The following AFF1 variants were observed in gnomAD, a reference collection of about 807,000 sequenced individuals.
AFF1 encodes AF4/FMR2 family member 1.
AFF1 carries 48 observed loss-of-function variants against 121.7 expected under a neutral mutation model. The ratio of observed to expected loss-of-function variants is 0.39; its 90% confidence interval spans 0.31 to 0.50. The LOEUF is 0.50. Among genes scored for constraint, AFF1 ranks in the 20% least tolerant of loss-of-function variants. The probability of loss-of-function intolerance (pLI) is 0.76; values close to 1 mark genes in which losing one functional copy is unlikely to be tolerated. For synonymous variants in AFF1, 613 were observed against 563.0 expected, an observed-to-expected ratio of 1.09 and a Z score of -1.26; for missense variants, 1,523 against 1,511.7, an observed-to-expected ratio of 1.01 and a Z score of -0.12.
At chr4:87,058,728 T>G (rs1391608581) in intron 4 of AFF1, among the ~76,000 whole-genome samples, 1 of 152,192 alleles carries the variant, frequency 6.6e-6, no homozygotes, top group Non-Finnish European at 1.5e-5. Context: ...TCTTCTCTAA[T>G]TACTACTTTC....
Position 87,124,020 on chromosome 4 carries a change from C to T in AFF1, c.2467-1017C>T, listed in dbSNP as rs143786577. Among the ~76,000 whole-genome samples, 215 of 152,304 alleles carry T rather than the reference C, an allele frequency of 1.4e-3. 6 individuals are homozygous for T. The East Asian group carries it at 0.033, about 23-fold the overall frequency. ...CACCTGCTAGACAGTATGTGGGCTTCCTCCTGAACCCAGAGCCATGGGAAG... is the reference window on the plus strand; with the variant it reads ...CACCTGCTAGACAGTATGTGGGCTTTCTCCTGAACCCAGAGCCATGGGAAG... On this transcript the variant is annotated intron_variant, in intron 12 of 20. Coordinates refer to ENST00000395146, the MANE Select transcript of AFF1 (RefSeq NM_001166693.3).
chr4:87,027,989 A>G (rs1259274948), intron 2 of AFF1, among the ~76,000 whole-genome samples: 1 of 151,770 alleles, frequency 6.6e-6, no homozygotes, highest in Non-Finnish European at 1.5e-5. Context: ...GAGTGATGAC[A>G]TGACACTCTA....
rs180748300 is a variant in AFF1, at chr4:87,034,881, G to A, written c.39-11285G>A. Among the ~76,000 whole-genome samples the A allele has an allele frequency of 6.6e-5, 10 of 152,334 alleles. No homozygotes were observed. The East Asian group carries it at 1.9e-3, about 29-fold the overall frequency. On this transcript the variant is annotated intron_variant, in intron 2 of 20. Coordinates refer to ENST00000395146, the MANE Select transcript of AFF1 (RefSeq NM_001166693.3). ...AGAATTCTGAATCATTGGAAATTGA[G>A]TAATGCTTGAATATAATTATTTCAG...
At chr4:87,099,453 A>G (rs1158062085) in intron 8 of AFF1, among the ~76,000 whole-genome samples, 4 of 152,182 alleles carry the variant, frequency 2.6e-5, no homozygotes, top group Admixed American at 2.6e-4. Flanking sequence ...TCTGTCACCC[A>G]GGCTGGAGTG....
chr4:87,036,796 G>A (rs969243148), intron 2 of AFF1: 16 of 514,312 alleles, frequency 3.1e-5, no homozygotes, highest in Non-Finnish European at 5.8e-5. Context: ...CTCTAATATG[G>A]CAGCAAGTAT....
chr4:87,088,833 A>C (rs758886495), intron 5 of AFF1, among the ~76,000 whole-genome samples: 4 of 152,072 alleles, frequency 2.6e-5, no homozygotes, highest in Admixed American at 6.5e-5. Flanking sequence ...GCTGGAGTGC[A>C]ATGGCACGAT....
chr4:87,002,651 C>G (rs1350592612), intron 2 of AFF1, among the ~76,000 whole-genome samples: 9 of 152,090 alleles, frequency 5.9e-5, no homozygotes, highest in Admixed American at 5.9e-4. Context: ...TCAAGTGATC[C>G]ACTTACTTCA....
At chr4:86,987,620 A>T (rs562000986) in intron 2 of AFF1, among the ~76,000 whole-genome samples, 1 of 152,234 alleles carries the variant, frequency 6.6e-6, no homozygotes, top group African/African-American at 2.4e-5. Flanking sequence ...ATGATTTGGC[A>T]CACCACCCCC....
chr4:87,037,722 T>C (rs1293022548), intron 2 of AFF1, among the ~76,000 whole-genome samples: 3 of 152,142 alleles, frequency 2.0e-5, no homozygotes, highest in Non-Finnish European at 4.4e-5. Context: ...AACATGTCTC[T>C]CCTTAGAATT....
chr4:87,074,324 G>T (rs1722441552), intron 4 of AFF1, among the ~76,000 whole-genome samples: 1 of 151,958 alleles, frequency 6.6e-6, no homozygotes, highest in Admixed American at 6.6e-5. Context: ...AAAAATCAGT[G>T]CCTTTTAACC....
chr4:87,065,739 C>T lies in AFF1; in HGVS notation c.1059+18145C>T, dbSNP rs185960006. On this transcript the variant is annotated intron_variant, in intron 4 of 20. Transcript: ENST00000395146. The stretch of plus-strand genomic sequence containing the variant: ...TTTAAACATTTTCTTGCCTTACCAG[C>T]GGATGGCTTCCTTGTGCTTAAAGAA... Among the ~76,000 whole-genome samples the T allele has an allele frequency of 2.4e-4, 37 of 152,264 alleles. 1 individual carries two copies. The highest frequency in any genetic ancestry group is 1.2e-3 in the Admixed American group (19 of 15,300).
intron 10 of AFF1, among the ~76,000 whole-genome samples, chr4:87,107,153 G>T (rs557826347): frequency 4.6e-5 from 7 of 152,164 alleles, no homozygotes; most frequent in Non-Finnish European, 8.8e-5. Flanking sequence ...TAGTGGTATC[G>T]TGTGTGTTTT....
chr4:86,942,650 C>A (rs993275979), intron 1 of AFF1, among the ~76,000 whole-genome samples: 1 of 152,162 alleles, frequency 6.6e-6, no homozygotes, highest in African/African-American at 2.4e-5. Flanking sequence ...GCTAGAAGAA[C>A]CTGGGTGACC....
chr4:86,950,003 G>T, intron 2 of AFF1: 5 of 1,614,062 alleles, frequency 3.1e-6, no homozygotes, highest in Middle Eastern at 3.3e-4. Context: ...GATGGCGAGC[G>T]CCAGTTTCAC....
intron 17 of AFF1, 118 bp from the exon 18 acceptor site, chr4:87,131,675 C>T: frequency 1.1e-6 from 1 of 896,080 alleles, no homozygotes; most frequent in Non-Finnish European, 1.7e-6. Flanking sequence ...AATTTTTTTC[C>T]TGTGATGCTC....
chr4:87,077,037 A>C (rs1722739062), intron 4 of AFF1, among the ~76,000 whole-genome samples: 1 of 152,222 alleles, frequency 6.6e-6, no homozygotes, highest in African/African-American at 2.4e-5. Flanking sequence ...GTATGGAATT[A>C]GTTTTAACAT....
intron 4 of AFF1, among the ~76,000 whole-genome samples, chr4:87,064,418 A>G (rs780274196): frequency 3.3e-5 from 5 of 152,220 alleles, no homozygotes; most frequent in Admixed American, 6.5e-5. Flanking sequence ...TTTGGTTCAC[A>G]TAGTATTGAT....
chr4:87,062,371 C>G (rs1221743180), intron 4 of AFF1, among the ~76,000 whole-genome samples: 2 of 152,090 alleles, frequency 1.3e-5, no homozygotes, highest in Non-Finnish European at 2.9e-5. Flanking sequence ...AGGCACTGAT[C>G]CCATCCATGA....
intron 12 of AFF1, among the ~76,000 whole-genome samples, chr4:87,121,009 G>C (rs1168364253): frequency 9.3e-6 from 1 of 107,296 alleles, no homozygotes; most frequent in East Asian, 2.6e-4. Flanking sequence ...CTCCACTGTG[G>C]GTGGAGCAGC....
Sources: allele counts gnomAD v4.1 joint callset (sites outside exome capture counted in the v4.1 genomes callset), GRCh38; gene constraint gnomAD v4.1.1; transcripts MANE v1.5; gene names NCBI Gene and HGNC (gene_info 2026-07-23, HGNC 2026-07-21).